Variants in PPEF2 observed in about 807,000 individuals in gnomAD.
PPEF2 encodes protein phosphatase with EF-hand domain 2, also known as serine/threonine-protein phosphatase with EF-hands 2.
Under a neutral mutation model 84.7 loss-of-function variants are expected in PPEF2, and 84 were observed. The observed-to-expected ratio is 0.99, with a 90% CI of 0.83 to 1.19. The LOEUF (loss-of-function observed/expected upper bound fraction) is 1.19. Ranked by LOEUF, PPEF2 falls within the 50% of genes most tolerant of loss-of-function variation. PPEF2 has a pLI of 0.00. For synonymous variants in PPEF2, 346 were observed against 345.2 expected (o/e 1.00, Z -0.03); for missense variants, 924 against 937.5 (o/e 0.99, Z 0.19).
rs567750528 is a variant in PPEF2 at position 75,875,386 on chromosome 4, T to C, written c.1320+901A>G. Among the ~76,000 whole-genome samples the C allele has an allele frequency of 2.0e-4, 30 of 152,174 alleles. No homozygotes were observed. The South Asian group carries it at 6.0e-3, about 31-fold the overall frequency. On this transcript the variant is annotated intron_variant, in intron 11 of 16. Transcript: ENST00000286719. Reference sequence around the variant, plus strand: ...CACTTTGGGAGGCCAAGGTGGGTGATTGCTTGAGCCTCAGGGGTTCAAGAC... The same window carrying C: ...CACTTTGGGAGGCCAAGGTGGGTGACTGCTTGAGCCTCAGGGGTTCAAGAC...
rs375466728 is a variant in PPEF2, at chr4:75,872,271, A to G, written c.1507-104T>C. 1.1e-4 allele frequency: 124 copies of G among 1,109,850 alleles called. 1 individual carries two copies. The East Asian group carries it at 3.1e-3, about 28-fold the overall frequency. 68.8% of individuals were successfully genotyped at this position (1,109,850 alleles called of 1,614,324 possible). ...AACTGCAGAAGCTGCTGTTTCTCCT[A>G]GTGCTCATCTGGGAATCCTTTTCTT... On this transcript the variant is annotated intron_variant, in intron 12 of 16. Coordinates refer to ENST00000286719, the MANE Select transcript of PPEF2 (RefSeq NM_006239.3).
chr4:75,892,735 C>T (rs1244220471), intron 2 of PPEF2, among the ~76,000 whole-genome samples: 2 of 152,138 alleles, frequency 1.3e-5, no homozygotes. Flanking sequence ...CCAGGTAGGG[C>T]AGGTTAGGGT....
chr4:75,860,848 T>C lies in PPEF2; in HGVS notation c.2081A>G (p.Asp694Gly). Residue 694 changes from aspartate to glycine, a missense_variant, in exon 17 of 17, where the codon GAT (aspartate) becomes GGT (glycine). Physicochemically the swap from Asp to Gly is moderately conservative, Grantham distance 94. Coordinates refer to ENST00000286719, the MANE Select transcript of PPEF2 (RefSeq NM_006239.3). ...FSSHMNIDIT[D>G]DCICDLARSI... ...CCGAGCAAGGTCACAGATGCAGTCATCTGTAATGTCGATATTCATGTGAGA... is the reference window on the plus strand; with the variant it reads ...CCGAGCAAGGTCACAGATGCAGTCACCTGTAATGTCGATATTCATGTGAGA... The C allele has an allele frequency of 1.2e-6, 2 of 1,614,234 alleles. No individual in the cohort carries two copies. The highest frequency in any genetic ancestry group is 8.5e-7 in the Non-Finnish European group (1 of 1,180,038).
rs1256600213 is a variant in PPEF2, at chr4:75,860,656, C to T, written c.*11G>A. 2 of 1,612,914 alleles carry T rather than the reference C, an allele frequency of 1.2e-6. No homozygotes were observed. The highest frequency in any genetic ancestry group is 8.5e-7 in the Non-Finnish European group (1 of 1,179,464). On this transcript the variant is annotated 3_prime_UTR_variant, in exon 17 of 17. Coordinates refer to ENST00000286719, the MANE Select transcript of PPEF2 (RefSeq NM_006239.3). ...TATGAGGCACTTTGGGTGATGAAGA[C>T]CAGGCTGTTCTTAGTGTGCACCTGG...
At chr4:75,863,168 A>G (rs1473852195) in intron 16 of PPEF2, among the ~76,000 whole-genome samples, 1 of 152,070 alleles carries the variant, frequency 6.6e-6, no homozygotes, top group Non-Finnish European at 1.5e-5. Context: ...AGTAATTGCT[A>G]ATAGGTATGA....
intron 8 of PPEF2, chr4:75,883,516 G>T: frequency 3.3e-6 from 1 of 304,268 alleles, no homozygotes; most frequent in Non-Finnish European, 6.1e-6. Flanking sequence ...AAAATAATGT[G>T]TAAATTAAAA....
At chr4:75,870,649 T>C (rs1378348891) in intron 13 of PPEF2, among the ~76,000 whole-genome samples, 1 of 152,178 alleles carries the variant, frequency 6.6e-6, no homozygotes, top group Non-Finnish European at 1.5e-5. Flanking sequence ...AAAGTGTGGG[T>C]TCTGAAATAG....
intron 11 of PPEF2, among the ~76,000 whole-genome samples, chr4:75,876,066 C>A (rs1212146383): frequency 6.6e-6 from 1 of 152,148 alleles, no homozygotes; most frequent in East Asian, 1.9e-4. Flanking sequence ...AATCACTAAC[C>A]CAAGTATCAT....
At chr4:75,887,081 G>T (rs1724747607) in intron 6 of PPEF2, among the ~76,000 whole-genome samples, 183 bp from the exon 7 acceptor site, 1 of 152,154 alleles carries the variant, frequency 6.6e-6, no homozygotes, top group African/African-American at 2.4e-5. Context: ...AAAGCAGAAG[G>T]CATAATATTT....
chr4:75,888,248 GA>G lies in PPEF2; in HGVS notation c.497del (p.Val166AlafsTer22). On this transcript the variant is annotated frameshift_variant, in exon 6 of 17. Coordinates refer to ENST00000286719, the MANE Select transcript of PPEF2 (RefSeq NM_006239.3). LOFTEE classifies it high-confidence loss of function. The stretch of plus-strand genomic sequence containing the variant: ...TGATCTCCTCACTGTAACAGGTTGA[GA>G]CCCGGTTGATGTTTGGCAGCTGTAC... ...HLVQLPNINR[V>X]STCYSEEITV... is the part of the protein sequence containing the mutation. 1.2e-6 allele frequency: 2 copies of G among 1,613,870 alleles called. No homozygotes were observed. Among genetic ancestry groups the G allele is most frequent in the Non-Finnish European group, 1.7e-6 (2 of 1,179,816 alleles).
chr4:75,863,707 A>G (rs1380249469), intron 16 of PPEF2, among the ~76,000 whole-genome samples: 1 of 150,856 alleles, frequency 6.6e-6, no homozygotes, highest in Non-Finnish European at 1.5e-5. Context: ...ACCTCACCAT[A>G]TTTTTTTTTA....
chr4:75,884,778 C>T lies in PPEF2; in HGVS notation c.580-18G>A. On this transcript the variant is annotated intron_variant, in intron 7 of 16. Coordinates refer to ENST00000286719, the MANE Select transcript of PPEF2 (RefSeq NM_006239.3). ...AGGCCATTCTTTTCAACAAGGAGAC[C>T]AGTGAAAGAATGAATGGGAGGAAGG... is the stretch of plus-strand genomic sequence containing the variant. The T allele has an allele frequency of 6.4e-7, 1 of 1,552,384 alleles. No individual in the cohort carries two copies. Among genetic ancestry groups the T allele is most frequent in the Non-Finnish European group, 8.7e-7 (1 of 1,149,140 alleles).
At position 75,876,823 on chromosome 4, in the gene PPEF2, T is replaced by G. The variant is rs1578006272; in HGVS notation, c.934-150A>C. The G allele has an allele frequency of 7.7e-6, 6 of 782,128 alleles. No homozygotes were observed. The South Asian group carries it at 1.3e-4, about 16-fold the overall frequency. The allele number at this position is 782,128 out of a possible 1,614,324, so 48.4% of individuals were successfully genotyped here. A position where few individuals can be genotyped will look rare whatever the true frequency, so the allele number is the denominator to read the frequency against. On this transcript the variant is annotated intron_variant, in intron 10 of 16. Transcript: ENST00000286719. ...GAGTTCAAGACCAGCTTGAGCAACATGGCAAGACCGTGTCTCTACAAAAAA... is the reference window on the plus strand; with the variant it reads ...GAGTTCAAGACCAGCTTGAGCAACAGGGCAAGACCGTGTCTCTACAAAAAA...
rs1412679284 is a variant in PPEF2 at position 75,883,006 on chromosome 4, C to G, written c.853G>C (p.Asp285His). The change falls in exon 10 of 17, where the codon GAT becomes CAT. Residue 285 changes from aspartate to histidine, a missense_variant. Physicochemically the swap from Asp to His is moderately conservative, Grantham distance 81. Coordinates refer to ENST00000286719, the MANE Select transcript of PPEF2 (RefSeq NM_006239.3). ...FCWLPLATLIDEKVLILHGGV... is the reference protein window; with the variant it reads ...FCWLPLATLIHEKVLILHGGV... ...CCATGAAGAATTAGAACTTTCTCATCTATCAGAGTGGCCAGTGGAAGCCAA... is the reference window on the plus strand; with the variant it reads ...CCATGAAGAATTAGAACTTTCTCATGTATCAGAGTGGCCAGTGGAAGCCAA... The G allele has an allele frequency of 1.2e-6, 2 of 1,614,040 alleles. No individual in the cohort carries two copies. Among genetic ancestry groups the G allele is most frequent in the African/African-American group, 1.3e-5 (1 of 74,930 alleles).
chr4:75,866,614 T>A (rs1250029611), intron 14 of PPEF2: 1 of 450,640 alleles, frequency 2.2e-6, no homozygotes, highest in African/African-American at 2.0e-5. Flanking sequence ...AAATTATTTG[T>A]TGTCTGTTTG....
rs544413220 is a variant in PPEF2, at chr4:75,872,018, G to A, written c.1649+7C>T. On this transcript the variant is annotated splice_region_variant and intron_variant, in intron 13 of 16. Coordinates refer to ENST00000286719, the MANE Select transcript of PPEF2 (RefSeq NM_006239.3). ...TTTTCTGAAAATCACTCATTGAAAA[G>A]TCTTGCCTTTGCCTCATGGTGAGTG... 2 of 1,577,502 alleles carry A rather than the reference G, an allele frequency of 1.3e-6. No individual in the cohort carries two copies. Among genetic ancestry groups the A allele is most frequent in the Middle Eastern group, 1.7e-4 (1 of 5,896 alleles).
At position 75,873,177 on chromosome 4, in the gene PPEF2, G is replaced by T. The variant is rs767530774; in HGVS notation, c.1456C>A (p.Arg486Ser). Residue 486 changes from arginine (R) to serine (S), a missense_variant, in exon 12 of 17, where the codon CGT becomes AGT. Coordinates refer to ENST00000286719, the MANE Select transcript of PPEF2 (RefSeq NM_006239.3). ...LQKYNMQFLI[R>S]SHECKPEGYE... Reference sequence around the variant, plus strand: ...CCTTCAGGTTTGCATTCATGTGAACGGATCAGGAATTGCATGTTGTATTTT... The same window carrying T: ...CCTTCAGGTTTGCATTCATGTGAACTGATCAGGAATTGCATGTTGTATTTT... The T allele has an allele frequency of 1.9e-6, 3 of 1,614,120 alleles. No homozygotes were observed. Among genetic ancestry groups the T allele is most frequent in the East Asian group, 4.5e-5 (2 of 44,880 alleles).
intron 8 of PPEF2, 118 bp from the exon 9 acceptor site, chr4:75,883,320 G>T: frequency 1.1e-6 from 1 of 904,684 alleles, no homozygotes; most frequent in Non-Finnish European, 1.7e-6. Context: ...ATAGAAAAGA[G>T]ACTGAGGAAT....
At chr4:75,870,833 G>A (rs561607712) in intron 13 of PPEF2, among the ~76,000 whole-genome samples, 3 of 151,846 alleles carry the variant, frequency 2.0e-5, no homozygotes, top group Non-Finnish European at 2.9e-5. Context: ...ACATTTTGTG[G>A]TTGTAATCTC....
Sources: gnomAD v4.1 joint callset for allele counts (sites outside exome capture counted in the v4.1 genomes callset) on GRCh38, gnomAD v4.1.1 for gene constraint, MANE v1.5 for transcripts, NCBI Gene and HGNC (gene_info 2026-07-23, HGNC 2026-07-21) for gene names.